Variants in SETBP1 observed in about 807,000 individuals in gnomAD.
SETBP1 encodes SET binding protein 1.
A neutral mutation model predicts 101.0 loss-of-function variants in SETBP1; 9 were observed. The observed-to-expected ratio is 0.09, with a 90% confidence interval of 0.05 to 0.16. The LOEUF is 0.16. Among genes scored for constraint, SETBP1 ranks in the 10% least tolerant of loss-of-function variants. The pLI, the probability that SETBP1 is intolerant of heterozygous loss-of-function variation, is 1.00. For missense variants in SETBP1, 1,858 were observed against 2,033.8 expected (o/e 0.91, Z 1.66); for synonymous variants, 818 against 788.5 (o/e 1.04, Z -0.63).
intron 4 of SETBP1, among the ~76,000 whole-genome samples, chr18:45,026,068 C>T (rs2145437093): frequency 6.6e-6 from 1 of 152,248 alleles, no homozygotes; most frequent in South Asian, 2.1e-4. Context: ...CGACTATGTG[C>T]TCTAGAGGTA....
chr18:44,806,103 A>G (rs1201707280), intron 2 of SETBP1, among the ~76,000 whole-genome samples: 1 of 152,192 alleles, frequency 6.6e-6, no homozygotes, highest in Non-Finnish European at 1.5e-5. Context: ...GTGTGCATAC[A>G]TGCACCTGCC....
At chr18:44,830,096 T>C (rs1284529821) in intron 2 of SETBP1, among the ~76,000 whole-genome samples, 4 of 152,292 alleles carry the variant, frequency 2.6e-5, no homozygotes, top group Admixed American at 6.5e-5. Flanking sequence ...TAAATAAGTT[T>C]GGGGAAAAAA....
At chr18:44,926,284 G>A (rs946448913) in intron 3 of SETBP1, among the ~76,000 whole-genome samples, 2 of 152,112 alleles carry the variant, frequency 1.3e-5, no homozygotes, top group African/African-American at 4.8e-5. Context: ...GCTGCAACAT[G>A]CCTTTGTCTT....
intron 2 of SETBP1, among the ~76,000 whole-genome samples, chr18:44,831,803 T>G (rs2072376684): frequency 6.6e-6 from 1 of 152,162 alleles, no homozygotes; most frequent in African/African-American, 2.4e-5. Context: ...ATTATTTAGG[T>G]GATTGTGACA....
At chr18:44,972,490 G>A (rs569901956) in intron 4 of SETBP1, among the ~76,000 whole-genome samples, 15 of 152,292 alleles carry the variant, frequency 9.8e-5, no homozygotes, top group African/African-American at 3.4e-4. Context: ...TCAAGATATT[G>A]ATTCTTCCTA....
intron 4 of SETBP1, among the ~76,000 whole-genome samples, chr18:45,026,263 A>C (rs1351610281): frequency 1.3e-5 from 2 of 152,208 alleles, no homozygotes; most frequent in Non-Finnish European, 2.9e-5. Flanking sequence ...AGCATACACC[A>C]GGAGTAAAAG....
In SETBP1 at chr18:45,063,532, C is replaced by G; in HGVS notation, c.4625C>G (p.Pro1542Arg). 7.2e-7 allele frequency: 1 copy of G among 1,387,410 alleles called. No homozygotes were observed. Among genetic ancestry groups the G allele is most frequent in the Non-Finnish European group, 9.5e-7 (1 of 1,055,448 alleles). 85.9% of individuals were successfully genotyped at this position (1,387,410 alleles called of 1,614,324 possible). A position where few individuals can be genotyped will look rare whatever the true frequency, so the allele number is the denominator to read the frequency against. The change falls in exon 6 of 6, where the codon CCC (proline) becomes CGC (arginine). Residue 1542 changes from proline to arginine, a missense_variant. Transcript: ENST00000649279. ...CCGCCACCACCCCTGCCCCCGCCAC[C>G]CCCTCTACCCAAGACCCCCCGAGGC... ...PPPPPPLPPP[P>R]PLPKTPRGGK... is the part of the protein sequence containing the mutation.
intron 4 of SETBP1, among the ~76,000 whole-genome samples, chr18:45,020,179 G>A (rs1335763148): frequency 7.0e-6 from 1 of 142,274 alleles, no homozygotes; most frequent in East Asian, 2.1e-4. Context: ...TCGATCCCTT[G>A]AACCTGGGAG....
chr18:44,722,307 T>C (rs1470250975), intron 2 of SETBP1, among the ~76,000 whole-genome samples: 1 of 152,160 alleles, frequency 6.6e-6, no homozygotes, highest in East Asian at 1.9e-4. Flanking sequence ...GGTCGCCTTT[T>C]TGTGCCCCCT....
rs76944491 is a variant in SETBP1, at chr18:44,700,558, T to C, written c.-172-617T>C. Reference sequence around the variant, plus strand: ...CACTGAACTCTTTTTATTTTCTTTTTGTGTGCCTCAAACCTAAGCTTTGCA... The same window carrying C: ...CACTGAACTCTTTTTATTTTCTTTTCGTGTGCCTCAAACCTAAGCTTTGCA... On this transcript the variant is annotated intron_variant, in intron 1 of 5. Coordinates refer to ENST00000649279, the MANE Select transcript of SETBP1 (RefSeq NM_015559.3). 3.6e-3 allele frequency among the ~76,000 whole-genome samples: 556 copies of C among 152,346 alleles called. 20 individuals carry two copies. In the East Asian group the frequency reaches 0.077, roughly 21 times the overall value.
chr18:44,973,506 C>T (rs375229834), intron 4 of SETBP1, among the ~76,000 whole-genome samples: 1 of 152,142 alleles, frequency 6.6e-6, no homozygotes, highest in Non-Finnish European at 1.5e-5. Context: ...GAGAGATGCT[C>T]TTAGAAACAG....
In SETBP1 at chr18:44,819,240, G is replaced by C. The variant is rs555609091; in HGVS notation, c.487-49990G>C. The stretch of plus-strand genomic sequence containing the variant: ...TTGGAGATGGGCAATCCATCACCTG[G>C]TTTCCTTTTGAGCAGTAGTACCAGA... On this transcript the variant is annotated intron_variant, in intron 2 of 5. Transcript: ENST00000649279. Among the ~76,000 whole-genome samples the C allele has an allele frequency of 2.9e-3, 437 of 152,150 alleles. 2 individuals carry two copies. Among genetic ancestry groups the C allele is most frequent in the African/African-American group, 0.01 (424 of 41,508 alleles).
At chr18:44,860,686 G>T (rs2068986080) in intron 2 of SETBP1, among the ~76,000 whole-genome samples, 1 of 151,886 alleles carries the variant, frequency 6.6e-6, no homozygotes, top group South Asian at 2.1e-4. Context: ...GGCAGAGGTT[G>T]CTGTGAGCCA....
At chr18:44,916,246 T>C (rs189000222) in intron 3 of SETBP1, among the ~76,000 whole-genome samples, 3 of 152,284 alleles carry the variant, frequency 2.0e-5, no homozygotes, top group Non-Finnish European at 4.4e-5. Flanking sequence ...TTCTCTTAAC[T>C]ACTCTCTTTT....
intron 2 of SETBP1, among the ~76,000 whole-genome samples, chr18:44,821,522 T>C (rs2072113949): frequency 6.6e-6 from 1 of 152,212 alleles, no homozygotes; most frequent in African/African-American, 2.4e-5. Flanking sequence ...ACCTCACCCA[T>C]GGCTGGACCC....
chr18:44,883,075 C>A (rs183493202), intron 3 of SETBP1, among the ~76,000 whole-genome samples: 2 of 152,276 alleles, frequency 1.3e-5, no homozygotes, highest in Non-Finnish European at 2.9e-5. Context: ...GTAACTTCAC[C>A]ACCTATGGCA....
At chr18:44,828,463 A>AGGGGCAGCTG (rs1463095668) in intron 2 of SETBP1, among the ~76,000 whole-genome samples, 1 of 152,252 alleles carries the variant, frequency 6.6e-6, no homozygotes, top group Non-Finnish European at 1.5e-5. Flanking sequence ...TGGTGATTTC[A>AGGGGCAGCTG]GGGGCAGCTG....
At chr18:44,731,773 T>TC (rs1844116011) in intron 2 of SETBP1, among the ~76,000 whole-genome samples, 1 of 152,184 alleles carries the variant, frequency 6.6e-6, no homozygotes, top group South Asian at 2.1e-4. Context: ...ACACGTGCTC[T>TC]CTCAACCTGA....
chr18:44,747,616 T>G (rs1031006850), intron 2 of SETBP1, among the ~76,000 whole-genome samples: 2 of 152,234 alleles, frequency 1.3e-5, no homozygotes, highest in Non-Finnish European at 2.9e-5. Context: ...CTCTGTCTGT[T>G]TCCTACATTT....
Sources: gnomAD v4.1 joint callset for allele counts (sites outside exome capture counted in the v4.1 genomes callset) on GRCh38, gnomAD v4.1.1 for gene constraint, MANE v1.5 for transcripts, NCBI Gene and HGNC (gene_info 2026-07-23, HGNC 2026-07-21) for gene names.